The following RYR2 variants were observed in gnomAD, a reference collection of about 807,000 sequenced individuals.
The protein encoded by RYR2 is ryanodine receptor 2.
In RYR2, 227 loss-of-function variants were observed where a neutral mutation model predicts 601.1. The ratio of observed to expected loss-of-function variants is 0.38; its 90% confidence interval spans 0.34 to 0.42. The LOEUF is 0.42. RYR2 is among the 10% of genes least tolerant of loss of function. The probability of loss-of-function intolerance (pLI) is 1.00; values close to 1 mark genes in which losing one functional copy is unlikely to be tolerated. For synonymous variants in RYR2, 2,223 were observed against 2,175.1 expected (o/e 1.02, Z -0.61); for missense variants, 4,646 against 6,156.5 (o/e 0.75, Z 8.21).
In RYR2 at chr1:237,795,282, A is replaced by ATTTT; in HGVS notation, c.13914-6_13914-3dup. ...ACTATTTACTTCTATGCTTTTGTATATTTTAGGTCATTTCCCAACAACTAC... is the reference window on the plus strand; with the variant it reads ...ACTATTTACTTCTATGCTTTTGTATATTTTTTTTAGGTCATTTCCCAACAACTAC... On this transcript the variant is annotated splice_polypyrimidine_tract_variant and splice_region_variant and intron_variant, in intron 95 of 104. Transcript: ENST00000366574. 7.6e-7 allele frequency: 1 copy of ATTTT among 1,317,522 alleles called. No homozygotes were observed. The highest frequency in any genetic ancestry group is 1.4e-5 in the South Asian group (1 of 72,682). 81.6% of individuals were successfully genotyped at this position (1,317,522 alleles called of 1,614,324 possible).
rs78332033 is a variant in RYR2 at position 237,143,168 on chromosome 1, C to T, written c.48+100599C>T. On this transcript the variant is annotated intron_variant, in intron 1 of 104. Coordinates refer to ENST00000366574, the MANE Select transcript of RYR2 (RefSeq NM_001035.3). ...GTTTTGCTGTTCTGATTTGATGATGCAGAAATGTAAATCAATGTGAATCAC... is the reference window on the plus strand; with the variant it reads ...GTTTTGCTGTTCTGATTTGATGATGTAGAAATGTAAATCAATGTGAATCAC... Among the ~76,000 whole-genome samples, 673 of 152,278 alleles carry T rather than the reference C, an allele frequency of 4.4e-3. 4 individuals carry two copies. The highest frequency in any genetic ancestry group is 0.015 in the African/African-American group (613 of 41,548).
At chr1:237,120,553 C>T (rs140411829) in intron 1 of RYR2, among the ~76,000 whole-genome samples, 185 of 152,246 alleles carry the variant, frequency 1.2e-3, no homozygotes, top group African/African-American at 4.2e-3. Flanking sequence ...TCTTGGTTTC[C>T]GTCCAGCTCT....
rs191980082 is a variant in RYR2, at chr1:237,100,324, A to C, written c.48+57755A>C. ...TTCCTGATCTGGGATGGGTGGACTC[A>C]ATCTCGCTTCTCGATTCTCTCTTCT... On this transcript the variant is annotated intron_variant, in intron 1 of 104. Transcript: ENST00000366574. Among the ~76,000 whole-genome samples the C allele has an allele frequency of 2.3e-4, 35 of 152,046 alleles. 1 individual carries two copies. The East Asian group carries it at 6.4e-3, about 28-fold the overall frequency.
intron 16 of RYR2, among the ~76,000 whole-genome samples, chr1:237,460,804 T>C (rs1309876228): frequency 2.6e-5 from 4 of 152,284 alleles, no homozygotes; most frequent in African/African-American, 7.2e-5. Flanking sequence ...AAAATGGCAA[T>C]AGTCATTCCC....
chr1:237,498,558 T>C (rs1664308388), intron 20 of RYR2, among the ~76,000 whole-genome samples: 2 of 152,044 alleles, frequency 1.3e-5, no homozygotes, highest in South Asian at 2.1e-4. Flanking sequence ...GTTTTCCCAT[T>C]ACACAGAGAT....
chr1:237,702,067 TGTTTAAA>T lies in RYR2; in HGVS notation c.9449+15_9449+21del. The T allele has an allele frequency of 1.3e-6, 2 of 1,517,468 alleles. No individual in the cohort carries two copies. 94.0% of individuals were successfully genotyped at this position (1,517,468 alleles called of 1,614,324 possible). A position where few individuals can be genotyped will look rare whatever the true frequency, so the allele number is the denominator to read the frequency against. On this transcript the variant is annotated intron_variant, in intron 66 of 104. Transcript: ENST00000366574. ...GAGTATTTACGTGGAGAGGTAAGAA[TGTTTAAA>T]GTTTAACTTTGTATTAATTGCTGCT...
intron 32 of RYR2, among the ~76,000 whole-genome samples, chr1:237,592,840 G>A (rs547072559): frequency 3.4e-4 from 52 of 151,796 alleles, no homozygotes; most frequent in African/African-American, 1.1e-3. Context: ...GGCTAACATG[G>A]TGAAACCCCG....
intron 63 of RYR2, among the ~76,000 whole-genome samples, chr1:237,695,342 A>T (rs955366250): frequency 6.6e-6 from 1 of 152,180 alleles, no homozygotes; most frequent in Non-Finnish European, 1.5e-5. Context: ...GCACTGATAT[A>T]AATACACAAT....
intron 1 of RYR2, among the ~76,000 whole-genome samples, chr1:237,119,573 T>A (rs754375333): frequency 6.6e-6 from 1 of 152,100 alleles, no homozygotes; most frequent in Non-Finnish European, 1.5e-5. Context: ...GTTCCTTGGG[T>A]CCATCTCTCC....
At chr1:237,810,865 A>G (rs565429425) in intron 100 of RYR2, among the ~76,000 whole-genome samples, 63 of 152,180 alleles carry the variant, frequency 4.1e-4, no homozygotes, top group Non-Finnish European at 8.1e-4. Flanking sequence ...ATCAGTAATG[A>G]TAGGATCCTA....
At chr1:237,530,771 G>A (rs980124265) in intron 25 of RYR2, among the ~76,000 whole-genome samples, 3 of 152,192 alleles carry the variant, frequency 2.0e-5, no homozygotes, top group South Asian at 2.1e-4. Flanking sequence ...TTAGCTGGGC[G>A]TGGTGGCAAG....
intron 14 of RYR2, among the ~76,000 whole-genome samples, chr1:237,453,183 C>T (rs1364139610): frequency 1.3e-5 from 2 of 151,980 alleles, no homozygotes; most frequent in East Asian, 3.9e-4. Context: ...TGAAAAGTCA[C>T]TCTTGCATTT....
rs1295016910 is a variant in RYR2 at position 237,395,895 on chromosome 1, C to T, written c.773+7712C>T. On this transcript the variant is annotated intron_variant, in intron 10 of 104. Transcript: ENST00000366574. ...CTTTCACTTCCCGCATCCCATAGTG[C>T]CACTGATCACACGTGTTGGTCTGCA... Among the ~76,000 whole-genome samples, 5 of 152,140 alleles carry T rather than the reference C, an allele frequency of 3.3e-5. No homozygotes were observed. The East Asian group carries it at 9.6e-4, about 29-fold the overall frequency.
intron 1 of RYR2, among the ~76,000 whole-genome samples, chr1:237,187,191 G>A (rs941464590): frequency 6.9e-6 from 1 of 145,878 alleles, no homozygotes; most frequent in East Asian, 2.1e-4. Flanking sequence ...TTTTTTTTGA[G>A]GTGGGGTCTC....
At chr1:237,634,205 CA>C (rs1680631408) in intron 43 of RYR2, among the ~76,000 whole-genome samples, 1 of 152,098 alleles carries the variant, frequency 6.6e-6, no homozygotes, top group Non-Finnish European at 1.5e-5. Flanking sequence ...GATATGGAAT[CA>C]ACCTAAGTGT....
chr1:237,801,994 G>A, intron 98 of RYR2, 78 bp downstream of exon 98: 1 of 835,426 alleles, frequency 1.2e-6, no homozygotes, highest in Admixed American at 1.9e-5. Flanking sequence ...ATGGAAGGCT[G>A]GTTATTTAGA....
chr1:237,670,275 CGTGGGGAGAGGGAGACT>C (rs1177277347), intron 58 of RYR2, among the ~76,000 whole-genome samples: 2 of 119,982 alleles, frequency 1.7e-5, no homozygotes, highest in Admixed American at 1.2e-4. Flanking sequence ...AGAGGGAGAC[CGTGGGGAGAGGGAGACT>C]GTGGGGAGAG....
intron 78 of RYR2, 80 bp from the exon 79 acceptor site, chr1:237,733,625 T>A (rs1340295155): frequency 1.1e-6 from 1 of 884,542 alleles, no homozygotes; most frequent in Non-Finnish European, 1.9e-6. Flanking sequence ...AGAACAAAGG[T>A]TATTTTAAGC....
intron 80 of RYR2, among the ~76,000 whole-genome samples, chr1:237,745,569 C>A (rs893597918): frequency 1.3e-5 from 2 of 152,048 alleles, no homozygotes; most frequent in East Asian, 3.9e-4. Context: ...TAAATAGGGT[C>A]AAATTTAGTG....
Sources: gnomAD v4.1 joint callset for allele counts (sites outside exome capture counted in the v4.1 genomes callset) on GRCh38, gnomAD v4.1.1 for gene constraint, MANE v1.5 for transcripts, NCBI Gene and HGNC (gene_info 2026-07-23, HGNC 2026-07-21) for gene names.